SHANK2: variants seen among roughly 807,000 people sequenced by gnomAD.
The protein encoded by SHANK2 is SH3 and multiple ankyrin repeat domains 2.
Under a neutral mutation model 133.7 loss-of-function variants are expected in SHANK2, and 43 were observed. That is an observed-to-expected ratio of 0.32 (90% CI 0.25 to 0.41). The LOEUF (loss-of-function observed/expected upper bound fraction) is 0.41, where lower values mean the gene tolerates loss of function less well. SHANK2 is among the 10% of genes least tolerant of loss of function. SHANK2 has a pLI of 1.00. For missense variants in SHANK2, 1,994 were observed against 2,235.8 expected (o/e 0.89, Z 2.18); for synonymous variants, 1,017 against 952.8 (o/e 1.07, Z -1.24).
intron 6 of SHANK2, among the ~76,000 whole-genome samples, chr11:71,103,992 C>A (rs964146755): frequency 2.0e-5 from 3 of 151,780 alleles, no homozygotes; most frequent in African/African-American, 7.3e-5. Flanking sequence ...TTCCGCCATG[C>A]GTAAAAGCTC....
At chr11:70,779,282 G>C (rs1006941507) in intron 14 of SHANK2, among the ~76,000 whole-genome samples, 1 of 151,486 alleles carries the variant, frequency 6.6e-6, no homozygotes, top group African/African-American at 2.4e-5. Flanking sequence ...GGTGGGGGAT[G>C]CAGGAGTCTG....
intron 11 of SHANK2, among the ~76,000 whole-genome samples, chr11:70,857,563 T>C (rs1555067045): frequency 6.6e-6 from 1 of 152,120 alleles, no homozygotes; most frequent in Non-Finnish European, 1.5e-5. Flanking sequence ...TCTCAGGACT[T>C]GGGAGGGCCA....
intron 14 of SHANK2, among the ~76,000 whole-genome samples, chr11:70,712,100 G>A (rs2134591198): frequency 6.6e-6 from 1 of 152,304 alleles, no homozygotes; most frequent in East Asian, 1.9e-4. Context: ...GGAGTGTGGG[G>A]GATCCACTTG....
At chr11:70,753,827 T>TGTGTGTGTGTGTGTGTG (rs1555038016) in intron 14 of SHANK2, among the ~76,000 whole-genome samples, 2 of 151,682 alleles carry the variant, frequency 1.3e-5, no homozygotes, top group African/African-American at 2.4e-5. Context: ...TGTGTGTGTG[T>TGTGTGTGTGTGTGTGTG]TTGAGACAGA....
intron 2 of SHANK2, among the ~76,000 whole-genome samples, chr11:71,176,650 T>C (rs571074797): frequency 6.6e-6 from 1 of 152,106 alleles, no homozygotes; most frequent in Non-Finnish European, 1.5e-5. Context: ...AGAAACTGCC[T>C]AAAATGAAAC....
intron 12 of SHANK2, among the ~76,000 whole-genome samples, chr11:70,811,771 GCCAT>G (rs1305062123): frequency 2.1e-5 from 3 of 142,390 alleles, no homozygotes; most frequent in Non-Finnish European, 4.5e-5. Flanking sequence ...CCACCATCCA[GCCAT>G]CCATCCATCA....
At chr11:71,147,396 C>G (rs1287656263) in intron 2 of SHANK2, 58 bp from the exon 3 acceptor site, 2 of 1,438,170 alleles carry the variant, frequency 1.4e-6, no homozygotes, top group African/African-American at 1.4e-5. Context: ...AAAGAAAACC[C>G]AGGGGCACGG....
chr11:70,593,972 T>A (rs1276619683), intron 17 of SHANK2, among the ~76,000 whole-genome samples: 2 of 151,898 alleles, frequency 1.3e-5, no homozygotes, highest in Non-Finnish European at 2.9e-5. Context: ...GTGGAGGGTG[T>A]GAGGAAGGGA....
chr11:70,502,876 C>T lies in SHANK2; in HGVS notation c.2117G>A (p.Arg706Gln), dbSNP rs2059081202. ...AAGGACCAGGTGATTCCCTCCCTGC[C>T]GGATCATGTTCACCACCTGCCTGTG... is the stretch of plus-strand genomic sequence containing the variant. ...VGHRQVVNMI[R>Q]QGGNHLVLKV... The change falls in exon 18 of 26, where the codon CGG (arginine) becomes CAG (glutamine). Residue 706 changes from arginine (R) to glutamine (Q), a missense_variant. Transcript: ENST00000601538. 4 of 1,613,910 alleles carry T rather than the reference C, an allele frequency of 2.5e-6. No individual in the cohort carries two copies. The highest frequency in any genetic ancestry group is 3.4e-6 in the Non-Finnish European group (4 of 1,180,006).
At chr11:70,589,144 C>T (rs539035842) in intron 17 of SHANK2, among the ~76,000 whole-genome samples, 1 of 152,136 alleles carries the variant, frequency 6.6e-6, no homozygotes, top group East Asian at 1.9e-4. Flanking sequence ...GAAGAAGATG[C>T]CATCTAGGAT....
chr11:70,489,925 C>T lies in SHANK2; in HGVS notation c.2551+351G>A, dbSNP rs893801435. Reference sequence around the variant, plus strand: ...AATGCAGGGAACCCACTTACCCTTCCCACCCTGAGCAGGGCAGGGTGGGGG... The same window carrying T: ...AATGCAGGGAACCCACTTACCCTTCTCACCCTGAGCAGGGCAGGGTGGGGG... On this transcript the variant is annotated intron_variant, in intron 23 of 25. Transcript: ENST00000601538. The T allele has an allele frequency of 2.0e-5, 7 of 350,698 alleles. 1 individual carries two copies. The highest frequency in any genetic ancestry group is 3.8e-5 in the Non-Finnish European group (7 of 182,582). The allele number at this position is 350,698 out of a possible 1,614,324, so 21.7% of individuals were successfully genotyped here.
intron 13 of SHANK2, among the ~76,000 whole-genome samples, chr11:70,802,057 A>G (rs1555050661): frequency 6.6e-6 from 1 of 152,118 alleles, no homozygotes; most frequent in East Asian, 1.9e-4. Context: ...AGTGCTTTGA[A>G]TGGTGGGTAG....
intron 18 of SHANK2, 44 bp downstream of exon 18, chr11:70,502,752 C>CG (rs1555159049): frequency 3.0e-6 from 4 of 1,345,270 alleles, no homozygotes; most frequent in South Asian, 1.3e-5. Context: ...CCCCCCCCCC[C>CG]CAGTAGGGCC....
intron 17 of SHANK2, among the ~76,000 whole-genome samples, chr11:70,540,068 G>A (rs1162719236): frequency 2.0e-5 from 3 of 152,112 alleles, no homozygotes; most frequent in Non-Finnish European, 2.9e-5. Context: ...GTAGATCAGG[G>A]GCTGCCCTAC....
chr11:71,146,026 A>G (rs1320970151), intron 3 of SHANK2, among the ~76,000 whole-genome samples: 1 of 152,172 alleles, frequency 6.6e-6, no homozygotes, highest in Non-Finnish European at 1.5e-5. Flanking sequence ...GATGTCTACC[A>G]TGTCTACTCC....
At chr11:71,190,851 G>A (rs1213777821) in intron 2 of SHANK2, among the ~76,000 whole-genome samples, 1 of 152,190 alleles carries the variant, frequency 6.6e-6, no homozygotes, top group Non-Finnish European at 1.5e-5. Context: ...TGGACGTCCA[G>A]CCCCTGCGGT....
intron 17 of SHANK2, among the ~76,000 whole-genome samples, chr11:70,520,949 C>G (rs1200737605): frequency 6.6e-6 from 1 of 152,198 alleles, no homozygotes; most frequent in East Asian, 1.9e-4. Context: ...ACAGGATGCT[C>G]TAGGCTGCTA....
intron 9 of SHANK2, among the ~76,000 whole-genome samples, chr11:71,064,288 G>A (rs1384688437): frequency 6.6e-6 from 1 of 152,248 alleles, no homozygotes; most frequent in African/African-American, 2.4e-5. Flanking sequence ...ACAGTGGAGA[G>A]GATGCGGCTG....
chr11:70,486,743 T>C lies in SHANK2; in HGVS notation c.3550A>G (p.Ser1184Gly), dbSNP rs1555153832. The change falls in exon 25 of 26, where the codon AGC (serine) becomes GGC (glycine). Residue 1184 changes from serine to glycine, a missense_variant. Physicochemically the swap from Ser to Gly is moderately conservative, Grantham distance 56. This residue lies in a region of SHANK2 where 797 missense variants were observed against 907.4 expected (regional missense o/e 0.88). Transcript: ENST00000601538. The surrounding 1 kb of genome is among the most constrained non-coding windows in gnomAD (Gnocchi z 8.0). The part of the protein sequence containing the change: ...NSTSKAQGPE[S>G]SPAVPSASSG... Reference sequence around the variant, plus strand: ...CTCGCGGAGGGCACTGCTGGGCTGCTCTCGGGCCCCTGGGCTTTGGACGTG... The same window carrying C: ...CTCGCGGAGGGCACTGCTGGGCTGCCCTCGGGCCCCTGGGCTTTGGACGTG... 3 of 1,610,642 alleles carry C rather than the reference T, an allele frequency of 1.9e-6. No individual in the cohort carries two copies. Among genetic ancestry groups the C allele is most frequent in the South Asian group, 2.2e-5 (2 of 91,056 alleles).
Sources: gnomAD v4.1 joint callset for allele counts (sites outside exome capture counted in the v4.1 genomes callset) on GRCh38, gnomAD v4.1.1 for gene constraint, gnomAD v4.1.1 regional missense constraint, Gnocchi (gnomAD v3.1) non-coding constraint, MANE v1.5 for transcripts, NCBI Gene and HGNC (gene_info 2026-07-23, HGNC 2026-07-21) for gene names.